CTCFL: variants seen among roughly 807,000 people sequenced by gnomAD.
The protein encoded by CTCFL is transcriptional repressor CTCFL.
CTCFL carries 36 observed loss-of-function variants against 67.4 expected under a neutral mutation model. The observed-to-expected ratio is 0.53, with a 90% CI of 0.41 to 0.71. The LOEUF (loss-of-function observed/expected upper bound fraction) is 0.71, where lower values mean the gene tolerates loss of function less well. Ranked by LOEUF, CTCFL falls within the 30% of genes least tolerant of loss-of-function variation. CTCFL has a pLI of 0.00. For missense variants in CTCFL, 786 were observed against 835.2 expected (o/e 0.94, Z 0.73); for synonymous variants, 324 against 302.3 (o/e 1.07, Z -0.75).
At chr20:57,522,931 G>T in intron 3 of CTCFL, 137 bp downstream of exon 3, 3 of 690,084 alleles carry the variant, frequency 4.3e-6, no homozygotes, top group East Asian at 5.3e-5. Flanking sequence ...CAGAACATTA[G>T]TTTAAAATTT....
intron 8 of CTCFL, 100 bp from the exon 9 acceptor site, chr20:57,508,888 G>A (rs2068375949): frequency 9.1e-7 from 1 of 1,095,128 alleles, no homozygotes; most frequent in South Asian, 1.5e-5. Flanking sequence ...CCTCCCCAAA[G>A]ATGAGTCCAC....
intron 3 of CTCFL, 130 bp downstream of exon 3, chr20:57,522,938 A>G: frequency 1.4e-6 from 1 of 715,854 alleles, no homozygotes; most frequent in South Asian, 1.9e-5. Flanking sequence ...TTAGTTTAAA[A>G]TTTCTCCCAT....
At chr20:57,512,306 A>G (rs2068616165) in intron 8 of CTCFL, among the ~76,000 whole-genome samples, 1 of 152,228 alleles carries the variant, frequency 6.6e-6, no homozygotes, top group Admixed American at 6.5e-5. Flanking sequence ...CCAAAAGTGC[A>G]AATGTCAATG....
In CTCFL at chr20:57,498,614, C is replaced by G; in HGVS notation, c.1928G>C (p.Arg643Thr). Residue 643 changes from arginine (R) to threonine (T), a missense_variant, in exon 11 of 11, where the codon AGA becomes ACA. Coordinates refer to ENST00000243914, the MANE Select transcript of CTCFL (RefSeq NM_001386993.1). ...GCCTTCATCCACTTCCTCTTTGACT[C>G]TGGCTGTGGTTTCTCTGCAGGCGAC... Reference protein sequence around the residue: ...FPVACRETTARVKEEVDEGVT... With the variant: ...FPVACRETTATVKEEVDEGVT... The G allele has an allele frequency of 6.2e-7, 1 of 1,614,178 alleles. No homozygotes were observed. The highest frequency in any genetic ancestry group is 8.5e-7 in the Non-Finnish European group (1 of 1,180,016).
intron 7 of CTCFL, chr20:57,513,266 G>A: frequency 2.0e-6 from 2 of 985,768 alleles, no homozygotes; most frequent in Non-Finnish European, 2.4e-6. Context: ...TTAGAAGTCA[G>A]TGCCCTGTTA....
In CTCFL at chr20:57,503,458, C is replaced by G; in HGVS notation, c.1818G>C (p.Trp606Cys). The change falls in exon 10 of 11, where the codon TGG becomes TGC. Residue 606 changes from tryptophan to cysteine, a missense_variant. Around this residue, in one of 3 missense-constraint regions of CTCFL, gnomAD observed 199 missense variants for 196.7 expected, o/e 1.01. Coordinates refer to ENST00000243914, the MANE Select transcript of CTCFL (RefSeq NM_001386993.1). The stretch of plus-strand genomic sequence containing the variant: ...TACCGTCTCCGTTCGCGGCTTCCTT[C>G]CATCCCTTCGCAGCTTCCTTCTGAC... The part of the protein sequence containing the change: ...TKGQKEAAKG[W>C]KEAANGDEAA... 2 of 1,614,212 alleles carry G rather than the reference C, an allele frequency of 1.2e-6. No individual in the cohort carries two copies. The highest frequency in any genetic ancestry group is 1.7e-6 in the Non-Finnish European group (2 of 1,180,034).
At chr20:57,516,623 T>C (rs1472996792) in intron 5 of CTCFL, among the ~76,000 whole-genome samples, 1 of 152,218 alleles carries the variant, frequency 6.6e-6, no homozygotes, top group Non-Finnish European at 1.5e-5. Flanking sequence ...TCACAAGTCC[T>C]GCAGACTCCA....
At chr20:57,522,467 T>C (rs191521401) in intron 3 of CTCFL, among the ~76,000 whole-genome samples, 68 of 152,342 alleles carry the variant, frequency 4.5e-4, no homozygotes, top group Admixed American at 9.8e-4. Context: ...ATGGCTTTAA[T>C]ATTGCTTCAG....
In CTCFL at chr20:57,497,954, T is replaced by A; in HGVS notation, c.*596A>T. On this transcript the variant is annotated 3_prime_UTR_variant, in exon 11 of 11. Transcript: ENST00000243914. ...TTCATTTCCTACTCAGTTTTCCTTTTTATAAGAGTAAAACATTTTTTGGTT... is the reference window on the plus strand; with the variant it reads ...TTCATTTCCTACTCAGTTTTCCTTTATATAAGAGTAAAACATTTTTTGGTT... 1.1e-6 allele frequency: 1 copy of A among 939,608 alleles called. No individual in the cohort carries two copies. Among genetic ancestry groups the A allele is most frequent in the Non-Finnish European group, 1.3e-6 (1 of 788,432 alleles). The allele number at this position is 939,608 out of a possible 1,614,324, so 58.2% of individuals were successfully genotyped here. A position where few individuals can be genotyped will look rare whatever the true frequency, so the allele number is the denominator to read the frequency against.
rs544380735 is a variant in CTCFL, at chr20:57,519,086, G to A, written c.925+121C>T. ...ATTTTTAATGGAAATTCAAGAAAAA[G>A]AAGACAAAACTAAAGTATAAAATGT... On this transcript the variant is annotated intron_variant, in intron 4 of 10. Coordinates refer to ENST00000243914, the MANE Select transcript of CTCFL (RefSeq NM_001386993.1). The A allele has an allele frequency of 2.2e-5, 27 of 1,255,118 alleles. No individual in the cohort carries two copies. The East Asian group carries it at 4.4e-4, about 20-fold the overall frequency. 77.7% of individuals were successfully genotyped at this position (1,255,118 alleles called of 1,614,324 possible). A position where few individuals can be genotyped will look rare whatever the true frequency, so the allele number is the denominator to read the frequency against.
intron 2 of CTCFL, 58 bp from the exon 3 acceptor site, chr20:57,523,336 T>C (rs2069540669): frequency 6.7e-7 from 1 of 1,486,834 alleles, no homozygotes; most frequent in African/African-American, 1.4e-5. Context: ...ATTAGACTTT[T>C]GCCTGGATGA....
At chr20:57,496,213 G>C, downstream of CTCFL, 1 of 603,198 alleles carries the variant, frequency 1.7e-6, no homozygotes, top group South Asian at 2.0e-5. Context: ...TGGTCGTTCA[G>C]AGGAGTGTGG....
chr20:57,502,164 G>C (rs1178921703), intron 10 of CTCFL, among the ~76,000 whole-genome samples: 1 of 152,222 alleles, frequency 6.6e-6, no homozygotes, highest in African/African-American at 2.4e-5. Context: ...GCAGGCATGG[G>C]AAAGGCAGGC....
intron 10 of CTCFL, among the ~76,000 whole-genome samples, chr20:57,501,982 G>C (rs990498974): frequency 3.3e-5 from 5 of 152,262 alleles, no homozygotes; most frequent in African/African-American, 1.2e-4. Flanking sequence ...GATAAGAAGG[G>C]ACTTGCATGA....
rs147926178 is a variant in CTCFL at position 57,514,534 on chromosome 20, C to T, written c.1330+58G>A. On this transcript the variant is annotated intron_variant, in intron 7 of 10. Coordinates refer to ENST00000243914, the MANE Select transcript of CTCFL (RefSeq NM_001386993.1). ...GCCAGTACTTTGCAGGTTTATAGGA[C>T]CACGCTCCAAAGAGCCAGCAAATGC... 8,163 of 1,591,398 alleles carry T rather than the reference C, an allele frequency of 5.1e-3. 41 individuals carry two copies. The highest frequency in any genetic ancestry group is 0.012 in the South Asian group (1,021 of 86,774).
chr20:57,513,564 G>T, intron 7 of CTCFL: 2 of 1,109,954 alleles, frequency 1.8e-6, no homozygotes, highest in Non-Finnish European at 2.2e-6. Flanking sequence ...ATGTTACTTT[G>T]CCATGGTGTC....
Position 57,519,193 on chromosome 20 carries a change from C to A in CTCFL, c.925+14G>T. On this transcript the variant is annotated intron_variant, in intron 4 of 10. Coordinates refer to ENST00000243914, the MANE Select transcript of CTCFL (RefSeq NM_001386993.1). ...CACATCATTCCAGAGAAACAGCCTTCCCGGCAGTTTTACCTGTGTGGGTGT... is the reference window on the plus strand; with the variant it reads ...CACATCATTCCAGAGAAACAGCCTTACCGGCAGTTTTACCTGTGTGGGTGT... 1 of 1,612,326 alleles carries A rather than the reference C, an allele frequency of 6.2e-7. No individual in the cohort carries two copies.
At chr20:57,498,724 G>A in intron 10 of CTCFL, 23 bp from the exon 11 acceptor site, 1 of 1,589,408 alleles carries the variant, frequency 6.3e-7, no homozygotes, top group African/African-American at 1.3e-5. Context: ...TCCAGGATGA[G>A]CAAATTTATC....
chr20:57,522,923 G>C, intron 3 of CTCFL, 145 bp downstream of exon 3: 2 of 660,722 alleles, frequency 3.0e-6, no homozygotes, highest in East Asian at 2.7e-5. Flanking sequence ...TCACAATACA[G>C]AACATTAGTT....
Sources: allele counts gnomAD v4.1 joint callset (sites outside exome capture counted in the v4.1 genomes callset), GRCh38; gene constraint gnomAD v4.1.1; regional missense constraint gnomAD v4.1.1; transcripts MANE v1.5; gene names NCBI Gene and HGNC (gene_info 2026-07-23, HGNC 2026-07-21).